Variants in B3GALT1 observed in about 807,000 individuals in gnomAD.
B3GALT1 encodes the protein beta-1,3-galactosyltransferase 1.
Under a neutral mutation model 23.2 loss-of-function variants are expected in B3GALT1, and 10 were observed. The ratio of observed to expected loss-of-function variants is 0.43; its 90% CI spans 0.27 to 0.73. The LOEUF (loss-of-function observed/expected upper bound fraction) is 0.73, where lower values mean the gene tolerates loss of function less well. Among genes scored for constraint, B3GALT1 ranks in the 30% least tolerant of loss-of-function variants. B3GALT1 has a pLI of 0.21. For missense variants in B3GALT1, 299 were observed against 405.4 expected (o/e 0.74, Z 2.25); for synonymous variants, 156 against 141.5 (o/e 1.10, Z -0.73).
At chr2:167,567,445 GT>G (rs1339578253) in intron 2 of B3GALT1, among the ~76,000 whole-genome samples, 3 of 152,084 alleles carry the variant, frequency 2.0e-5, no homozygotes. Context: ...CATTCTCAAA[GT>G]TTTGTATTTT....
At chr2:167,858,153 C>G (rs1214935664) in intron 4 of B3GALT1, among the ~76,000 whole-genome samples, 1 of 151,986 alleles carries the variant, frequency 6.6e-6, no homozygotes, top group Non-Finnish European at 1.5e-5. Flanking sequence ...AAGCAAAATT[C>G]TATGTCACAT....
intron 2 of B3GALT1, among the ~76,000 whole-genome samples, chr2:167,583,503 A>G (rs1299057165): frequency 6.6e-6 from 1 of 152,176 alleles, no homozygotes; most frequent in Non-Finnish European, 1.5e-5. Context: ...CTTACAGTAC[A>G]GCTGTTTATA....
chr2:167,860,248 A>G (rs944425268), intron 4 of B3GALT1, among the ~76,000 whole-genome samples: 3 of 152,218 alleles, frequency 2.0e-5, no homozygotes, highest in Non-Finnish European at 4.4e-5. Flanking sequence ...AAGTCATTTG[A>G]GATCAAAACA....
chr2:167,730,514 T>C (rs1222976414), intron 3 of B3GALT1, among the ~76,000 whole-genome samples: 1 of 152,210 alleles, frequency 6.6e-6, no homozygotes, highest in African/African-American at 2.4e-5. Flanking sequence ...GAACTCTCTT[T>C]ACCAAGGCAG....
chr2:167,318,072 A>T (rs536441442), intron 1 of B3GALT1, among the ~76,000 whole-genome samples: 5 of 152,220 alleles, frequency 3.3e-5, no homozygotes, highest in South Asian at 2.1e-4. Flanking sequence ...TCACGCCTGT[A>T]ATCCCAGTGC....
At chr2:167,782,463 G>C (rs1450506102) in intron 3 of B3GALT1, among the ~76,000 whole-genome samples, 1 of 152,174 alleles carries the variant, frequency 6.6e-6, no homozygotes, top group African/African-American at 2.4e-5. Flanking sequence ...GCATCTGTCT[G>C]ATAAGATGGG....
At chr2:167,417,809 T>A (rs1280660791) in intron 1 of B3GALT1, among the ~76,000 whole-genome samples, 1 of 152,210 alleles carries the variant, frequency 6.6e-6, no homozygotes, top group Admixed American at 6.5e-5. Flanking sequence ...TATTGAGTTC[T>A]CTGACAAAAT....
chr2:167,747,867 A>G (rs1334818531), intron 3 of B3GALT1, among the ~76,000 whole-genome samples: 1 of 152,226 alleles, frequency 6.6e-6, no homozygotes, highest in African/African-American at 2.4e-5. Flanking sequence ...AATTCTGATC[A>G]TGACTATTAA....
intron 1 of B3GALT1, among the ~76,000 whole-genome samples, chr2:167,391,757 T>C (rs765043113): frequency 6.6e-6 from 1 of 152,204 alleles, no homozygotes; most frequent in African/African-American, 2.4e-5. Context: ...GGTGTTTATT[T>C]TCCATCCTAC....
chr2:167,814,366 T>C (rs1360957392), intron 3 of B3GALT1, among the ~76,000 whole-genome samples: 1 of 152,166 alleles, frequency 6.6e-6, no homozygotes, highest in East Asian at 1.9e-4. Context: ...ATTAGATTAA[T>C]ACTTGGTAGA....
At chr2:167,492,796 A>G (rs1167450134) in intron 2 of B3GALT1, among the ~76,000 whole-genome samples, 1 of 152,124 alleles carries the variant, frequency 6.6e-6, no homozygotes, top group African/African-American at 2.4e-5. Flanking sequence ...GCACTTTGTA[A>G]TAACAGTGAT....
chr2:167,719,472 A>G (rs1443710656), intron 3 of B3GALT1, among the ~76,000 whole-genome samples: 5 of 152,262 alleles, frequency 3.3e-5, no homozygotes, highest in Admixed American at 3.3e-4. Context: ...TATCAAATTT[A>G]TAGAAAATAG....
rs1036001340 is a variant in B3GALT1, at chr2:167,650,128, G to A, written c.-352+3162G>A. On this transcript the variant is annotated intron_variant, in intron 3 of 4. Coordinates refer to ENST00000392690, the MANE Select transcript of B3GALT1 (RefSeq NM_020981.4). ...TGTTGAGTGATTCTGTCATGAAATA[G>A]TATTAGATTTTTTCAAATACTTTCT... 1.8e-4 allele frequency among the ~76,000 whole-genome samples: 28 copies of A among 151,570 alleles called. 1 individual carries two copies. Among genetic ancestry groups the A allele is most frequent in the Non-Finnish European group, 5.9e-5 (4 of 67,834 alleles).
chr2:167,556,867 A>G (rs1683862135), intron 2 of B3GALT1, among the ~76,000 whole-genome samples: 1 of 152,220 alleles, frequency 6.6e-6, no homozygotes, highest in African/African-American at 2.4e-5. Context: ...CTGCAATGGA[A>G]TATTTATTTC....
intron 3 of B3GALT1, among the ~76,000 whole-genome samples, chr2:167,749,611 A>G (rs556722658): frequency 2.0e-5 from 3 of 152,274 alleles, no homozygotes; most frequent in South Asian, 2.1e-4. Flanking sequence ...ATTATTGACT[A>G]CAGTTTGAGG....
chr2:167,482,624 T>G (rs539866576), intron 1 of B3GALT1, among the ~76,000 whole-genome samples: 14 of 152,148 alleles, frequency 9.2e-5, no homozygotes, highest in Admixed American at 2.6e-4. Context: ...CTTAAAAATA[T>G]GCAAACAAAA....
chr2:167,618,533 AG>A (rs1685201265), intron 2 of B3GALT1, among the ~76,000 whole-genome samples: 1 of 152,078 alleles, frequency 6.6e-6, no homozygotes, highest in Non-Finnish European at 1.5e-5. Context: ...AAATAAAAAA[AG>A]GTAACAGTGA....
intron 1 of B3GALT1, among the ~76,000 whole-genome samples, chr2:167,434,710 A>AC (rs397950419): frequency 0.59 from 73,086 of 123,536 alleles, 21,846 homozygotes; most frequent in Non-Finnish European, 0.69. Flanking sequence ...TCTATGAATG[A>AC]CCCCCCCCCC....
intron 1 of B3GALT1, among the ~76,000 whole-genome samples, chr2:167,368,130 A>G (rs930784110): frequency 2.6e-5 from 4 of 152,194 alleles, no homozygotes; most frequent in Non-Finnish European, 5.9e-5. Flanking sequence ...CAAGTAATCT[A>G]TAGACCAGAA....
Sources: gnomAD v4.1 joint callset for allele counts (sites outside exome capture counted in the v4.1 genomes callset) on GRCh38, gnomAD v4.1.1 for gene constraint, MANE v1.5 for transcripts, NCBI Gene and HGNC (gene_info 2026-07-23, HGNC 2026-07-21) for gene names.